PGM5: variants seen among roughly 807,000 people sequenced by gnomAD.
The protein encoded by PGM5 is phosphoglucomutase-like protein 5.
Under a neutral mutation model 59.2 loss-of-function variants are expected in PGM5, and 23 were observed. The observed-to-expected ratio is 0.39, with a 90% CI of 0.28 to 0.55. The LOEUF (loss-of-function observed/expected upper bound fraction) is 0.55. PGM5 is among the 20% of genes least tolerant of loss of function. The pLI, the probability that PGM5 is intolerant of heterozygous loss-of-function variation, is 0.66. For synonymous variants in PGM5, 214 were observed against 286.0 expected, an observed-to-expected ratio of 0.75 and a Z score of 2.54; for missense variants, 574 against 748.3, an observed-to-expected ratio of 0.77 and a Z score of 2.72.
intron 6 of PGM5, among the ~76,000 whole-genome samples, chr9:68,431,854 A>T (rs781997251): frequency 6.9e-6 from 1 of 145,450 alleles, no homozygotes; most frequent in Non-Finnish European, 1.5e-5. Context: ...TTCATGTAAG[A>T]TGGAAAGAAC....
At chr9:68,459,632 G>T (rs1246455269) in intron 6 of PGM5, among the ~76,000 whole-genome samples, 2 of 152,062 alleles carry the variant, frequency 1.3e-5, no homozygotes, top group Non-Finnish European at 2.9e-5. Context: ...CCCTTCAACA[G>T]TACATTAGGG....
intron 2 of PGM5, among the ~76,000 whole-genome samples, chr9:68,379,832 G>C (rs1475610777): frequency 1.3e-5 from 2 of 151,948 alleles, no homozygotes; most frequent in African/African-American, 4.8e-5. Context: ...CAGACTTCCA[G>C]TAAAAAGCTG....
At chr9:68,444,504 T>C (rs1416932253) in intron 6 of PGM5, among the ~76,000 whole-genome samples, 1 of 152,146 alleles carries the variant, frequency 6.6e-6, no homozygotes, top group Non-Finnish European at 1.5e-5. Flanking sequence ...ACCTAGGTGG[T>C]AGGAATTATG....
At position 68,483,849 on chromosome 9, in the gene PGM5, C is replaced by T; in HGVS notation, c.1296-16C>T. ...GTTCTCTGATTAGGTTTCTGTTCCTCCTGTGTCCTCACCAGGTTTGACTAT... is the reference window on the plus strand; with the variant it reads ...GTTCTCTGATTAGGTTTCTGTTCCTTCTGTGTCCTCACCAGGTTTGACTAT... On this transcript the variant is annotated splice_polypyrimidine_tract_variant and intron_variant, in intron 8 of 10. Transcript: ENST00000396396. 1.2e-6 allele frequency: 2 copies of T among 1,613,088 alleles called. No individual in the cohort carries two copies. The highest frequency in any genetic ancestry group is 2.2e-5 in the East Asian group (1 of 44,856).
intron 9 of PGM5, among the ~76,000 whole-genome samples, chr9:68,484,550 A>G (rs1343555911): frequency 6.7e-6 from 1 of 148,436 alleles, no homozygotes; most frequent in Non-Finnish European, 1.5e-5. Flanking sequence ...AAACACACAC[A>G]CACACACACA....
rs1554687336 is a variant in PGM5 at position 68,483,892 on chromosome 9, G to A, written c.1323G>A (p.Lys441=). 2 of 1,614,140 alleles carry A rather than the reference G, an allele frequency of 1.2e-6. No homozygotes were observed. The highest frequency in any genetic ancestry group is 1.1e-5 in the South Asian group (1 of 91,074). Reference sequence around the variant, plus strand: ...TTGACTATGAGGGGTTGGATCCCAAGACGACATATTATATCATGAGGGACC... The same window carrying A: ...TTGACTATGAGGGGTTGGATCCCAAAACGACATATTATATCATGAGGGACC... ...CRFDYEGLDP[K]TTYYIMRDLE... is the part of the protein sequence containing the mutation. The change falls in exon 9 of 11, where the codon AAG becomes AAA. Residue 441 remains lysine, a synonymous_variant. Coordinates refer to ENST00000396396, the MANE Select transcript of PGM5 (RefSeq NM_021965.4).
chr9:68,386,494 A>G (rs1347346539), intron 3 of PGM5, among the ~76,000 whole-genome samples: 4 of 152,238 alleles, frequency 2.6e-5, no homozygotes, highest in Non-Finnish European at 4.4e-5. Context: ...GCATATTAAG[A>G]TCTCATCCAT....
At chr9:68,373,328 C>T (rs1821789442) in intron 1 of PGM5, among the ~76,000 whole-genome samples, 1 of 151,898 alleles carries the variant, frequency 6.6e-6, no homozygotes, top group East Asian at 1.9e-4. Flanking sequence ...ATGAGCAGAT[C>T]TCACATAGGT....
intron 7 of PGM5, among the ~76,000 whole-genome samples, chr9:68,470,785 C>A (rs1332928600): frequency 6.6e-6 from 1 of 152,104 alleles, no homozygotes; most frequent in Non-Finnish European, 1.5e-5. Flanking sequence ...GGTGTGGAGG[C>A]CATGATGACA....
chr9:68,464,446 G>A (rs1823901613), intron 6 of PGM5: 1 of 152,216 alleles, frequency 6.6e-6, no homozygotes, highest in Admixed American at 6.5e-5. Flanking sequence ...ATTTGGGCAA[G>A]GAGGCCAGGC....
intron 3 of PGM5, among the ~76,000 whole-genome samples, chr9:68,385,459 G>A (rs1822193743): frequency 6.6e-6 from 1 of 152,068 alleles, no homozygotes; most frequent in Non-Finnish European, 1.5e-5. Flanking sequence ...GATTGTGTGG[G>A]GGGTCACAGT....
chr9:68,357,408 T>G lies in PGM5; in HGVS notation c.261+20T>G. 6.4e-7 allele frequency: 1 copy of G among 1,551,486 alleles called. No individual in the cohort carries two copies. The highest frequency in any genetic ancestry group is 8.7e-7 in the Non-Finnish European group (1 of 1,151,476). On this transcript the variant is annotated intron_variant, in intron 1 of 10. Transcript: ENST00000396396. The stretch of plus-strand genomic sequence containing the variant: ...AACGGGGTGAGTGTCCGGATGCCCC[T>G]CGCTTCCCGCCGCGCCGCCGCCATG...
intron 6 of PGM5, among the ~76,000 whole-genome samples, chr9:68,440,570 T>C (rs1274040017): frequency 2.0e-5 from 3 of 152,198 alleles, no homozygotes; most frequent in African/African-American, 4.8e-5. Context: ...TGAATGGATG[T>C]TGAAATTTTG....
chr9:68,359,515 A>G (rs1375160498), intron 1 of PGM5, among the ~76,000 whole-genome samples: 4 of 152,216 alleles, frequency 2.6e-5, no homozygotes, highest in African/African-American at 9.6e-5. Context: ...GTGAATAGCC[A>G]TAAGGCTGGC....
chr9:68,372,725 C>T lies in PGM5; in HGVS notation c.262-5474C>T, dbSNP rs185359618. On this transcript the variant is annotated intron_variant, in intron 1 of 10. Coordinates refer to ENST00000396396, the MANE Select transcript of PGM5 (RefSeq NM_021965.4). The stretch of plus-strand genomic sequence containing the variant: ...TCATGGTTCTGAAGGCTGTACAAGC[C>T]TGGTGCCAGCATCTCCTTGGCTTCT... Among the ~76,000 whole-genome samples, 485 of 152,296 alleles carry T rather than the reference C, an allele frequency of 3.2e-3. 3 individuals carry two copies. Among genetic ancestry groups the T allele is most frequent in the Admixed American group, 6.6e-3 (101 of 15,300 alleles).
At chr9:68,438,077 C>T (rs1234139285) in intron 6 of PGM5, among the ~76,000 whole-genome samples, 1 of 151,880 alleles carries the variant, frequency 6.6e-6, no homozygotes, top group Non-Finnish European at 1.5e-5. Flanking sequence ...CGCCTGAGCT[C>T]GGGAGTTCAG....
intron 6 of PGM5, among the ~76,000 whole-genome samples, chr9:68,401,223 A>G (rs2132026576): frequency 6.6e-6 from 1 of 152,018 alleles, no homozygotes; most frequent in African/African-American, 2.4e-5. Flanking sequence ...CTTTTATTCA[A>G]TTTTTCTGAG....
intron 6 of PGM5, among the ~76,000 whole-genome samples, chr9:68,425,964 A>G (rs1189257671): frequency 6.6e-6 from 1 of 152,192 alleles, no homozygotes; most frequent in African/African-American, 2.4e-5. Context: ...CTGACTTCTC[A>G]GCTAAGATTT....
intron 8 of PGM5, among the ~76,000 whole-genome samples, chr9:68,482,266 C>G (rs1294967208): frequency 2.6e-5 from 4 of 152,118 alleles, no homozygotes; most frequent in Admixed American, 2.6e-4. Context: ...CTGCTAGACT[C>G]TCTTCTCCTG....
Sources: gnomAD v4.1 joint callset for allele counts (sites outside exome capture counted in the v4.1 genomes callset) on GRCh38, gnomAD v4.1.1 for gene constraint, MANE v1.5 for transcripts, NCBI Gene and HGNC (gene_info 2026-07-23, HGNC 2026-07-21) for gene names.